EML4: variants seen among roughly 807,000 people sequenced by gnomAD.
EML4 encodes EMAP like 4, also known as echinoderm microtubule-associated protein-like 4.
EML4 carries 72 observed loss-of-function variants against 129.0 expected under a neutral mutation model. The observed-to-expected ratio is 0.56, with a 90% CI of 0.46 to 0.68. The LOEUF is 0.68. Ranked by LOEUF, EML4 falls within the 30% of genes least tolerant of loss-of-function variation. The probability of loss-of-function intolerance (pLI) is 0.00; values close to 1 mark genes in which losing one functional copy is unlikely to be tolerated. For missense variants in EML4, 1,363 were observed against 1,190.6 expected, an observed-to-expected ratio of 1.14 and a Z score of -2.13; for synonymous variants, 532 against 405.0, an observed-to-expected ratio of 1.31 and a Z score of -3.77.
intron 19 of EML4, among the ~76,000 whole-genome samples, chr2:42,322,759 A>C (rs1316724557): frequency 6.6e-6 from 1 of 152,104 alleles, no homozygotes; most frequent in Non-Finnish European, 1.5e-5. Flanking sequence ...CTGTGCATAC[A>C]CTTTGCATTA....
intron 1 of EML4, among the ~76,000 whole-genome samples, chr2:42,205,926 T>C (rs1356392132): frequency 6.6e-6 from 1 of 152,182 alleles, no homozygotes; most frequent in African/African-American, 2.4e-5. Flanking sequence ...CTCCTCTACC[T>C]AGCCTGTTTC....
chr2:42,178,089 G>T (rs1216566688), intron 1 of EML4, among the ~76,000 whole-genome samples: 1 of 152,144 alleles, frequency 6.6e-6, no homozygotes, highest in African/African-American at 2.4e-5. Context: ...TTTAGAATCT[G>T]AATATAATTA....
intron 16 of EML4, among the ~76,000 whole-genome samples, chr2:42,303,967 T>C (rs1024824718): frequency 6.6e-6 from 1 of 152,186 alleles, no homozygotes; most frequent in Non-Finnish European, 1.5e-5. Context: ...GCGTAAAAGC[T>C]CAATTTGTCC....
At chr2:42,175,273 C>T (rs564848678) in intron 1 of EML4, among the ~76,000 whole-genome samples, 1 of 152,066 alleles carries the variant, frequency 6.6e-6, no homozygotes, top group South Asian at 2.1e-4. Context: ...ACCACCACAC[C>T]TGGCTAATTT....
intron 1 of EML4, among the ~76,000 whole-genome samples, chr2:42,240,083 T>C (rs1674924582): frequency 6.6e-6 from 1 of 152,188 alleles, no homozygotes; most frequent in South Asian, 2.1e-4. Context: ...AGAGGGGTTG[T>C]TGGACTTCAA....
rs1669225566 is a variant in EML4, at chr2:42,315,967, T to C, written c.1973T>C (p.Phe658Ser). Residue 658 changes from phenylalanine to serine, a missense_variant, in exon 18 of 23, where the codon TTT becomes TCT. Transcript: ENST00000318522. ...VAIGTHSGRW[F>S]VLDAETRDLV... The stretch of plus-strand genomic sequence containing the variant: ...TGATTTTTACTTCTTAACAGGTGGT[T>C]TGTTCTGGATGCAGAAACCAGAGAT... The C allele has an allele frequency of 1.2e-6, 2 of 1,611,412 alleles. No homozygotes were observed. Among genetic ancestry groups the C allele is most frequent in the Non-Finnish European group, 1.7e-6 (2 of 1,178,312 alleles).
In EML4 at chr2:42,317,515, A is replaced by C. The variant is rs1450695999; in HGVS notation, c.2145A>C (p.Gly715=). 2 of 1,604,828 alleles carry C rather than the reference A, an allele frequency of 1.2e-6. No homozygotes were observed. Among genetic ancestry groups the C allele is most frequent in the Non-Finnish European group, 1.7e-6 (2 of 1,174,094 alleles). The change falls in exon 19 of 23, where the codon GGA becomes GGC. Residue 715 remains glycine (G), a synonymous_variant. Coordinates refer to ENST00000318522, the MANE Select transcript of EML4 (RefSeq NM_019063.5). The part of the protein sequence containing the change: ...SENGRKYSRY[G]RCTGHSSYIT... ...ATGGAAGAAAATATAGCAGATATGG[A>C]AGGTGCACTGTAAGTAGTGAAGTAG...
At chr2:42,266,933 A>C (rs920069655) in intron 6 of EML4, among the ~76,000 whole-genome samples, 1 of 152,220 alleles carries the variant, frequency 6.6e-6, no homozygotes, top group African/African-American at 2.4e-5. Flanking sequence ...TGTGTGGAAA[A>C]GGAGTTTGGC....
In EML4 at chr2:42,330,047, A is replaced by G. The variant is rs1415286062; in HGVS notation, c.2786A>G (p.Gln929Arg). The change falls in exon 23 of 23, where the codon CAA becomes CGA. Residue 929 changes from glutamine (Q) to arginine (R), a missense_variant. Gln to Arg is a conservative substitution (Grantham distance 43, BLOSUM62 1). Transcript: ENST00000318522. The part of the protein sequence containing the change: ...SPTLLENSLE[Q>R]TVEPSEDHSE... ...ACACTTCTGGAGAACAGCCTGGAAC[A>G]AACTGTGGAGCCAAGTGAAGACCAC... 1 of 1,613,586 alleles carries G rather than the reference A, an allele frequency of 6.2e-7. No individual in the cohort carries two copies. The highest frequency in any genetic ancestry group is 8.5e-7 in the Non-Finnish European group (1 of 1,179,958).
chr2:42,215,166 C>T (rs1673109392), intron 1 of EML4, among the ~76,000 whole-genome samples: 1 of 152,098 alleles, frequency 6.6e-6, no homozygotes, highest in Admixed American at 6.5e-5. Flanking sequence ...CTCAAGTGAT[C>T]CTCACACTGC....
intron 19 of EML4, among the ~76,000 whole-genome samples, chr2:42,323,577 G>A (rs376264210): frequency 1.2e-4 from 18 of 152,152 alleles, no homozygotes; most frequent in African/African-American, 4.3e-4. Flanking sequence ...AAAAGAATTA[G>A]AGTCATTGTT....
chr2:42,212,658 C>T (rs1430421520), intron 1 of EML4, among the ~76,000 whole-genome samples: 1 of 152,204 alleles, frequency 6.6e-6, no homozygotes. Flanking sequence ...CCCACAGATA[C>T]ACTTACTGTA....
At chr2:42,213,548 AATCTTTCC>A (rs1673004837) in intron 1 of EML4, among the ~76,000 whole-genome samples, 1 of 152,232 alleles carries the variant, frequency 6.6e-6, no homozygotes, top group Non-Finnish European at 1.5e-5. Context: ...TTAATGATTG[AATCTTTCC>A]ATTGCATACT....
intron 3 of EML4, among the ~76,000 whole-genome samples, chr2:42,258,053 C>T (rs1665454245): frequency 6.6e-6 from 1 of 152,150 alleles, no homozygotes; most frequent in Non-Finnish European, 1.5e-5. Flanking sequence ...CATTTTCTTA[C>T]ATAGCTATTG....
intron 17 of EML4, among the ~76,000 whole-genome samples, chr2:42,309,911 C>A (rs901933306): frequency 6.6e-6 from 1 of 152,144 alleles, no homozygotes; most frequent in African/African-American, 2.4e-5. Flanking sequence ...TCTCTTGTTT[C>A]TTAAGCATAA....
At chr2:42,200,608 C>T (rs1173411783) in intron 1 of EML4, among the ~76,000 whole-genome samples, 7 of 152,210 alleles carry the variant, frequency 4.6e-5, no homozygotes. Flanking sequence ...AAGATGGTTT[C>T]AGAAATTCTG....
intron 6 of EML4, among the ~76,000 whole-genome samples, chr2:42,267,882 T>A (rs183966857): frequency 6.6e-6 from 1 of 152,192 alleles, no homozygotes; most frequent in East Asian, 1.9e-4. Context: ...AACTTAAAAT[T>A]TGAATAAGTT....
intron 1 of EML4, among the ~76,000 whole-genome samples, chr2:42,231,105 G>C (rs914677984): frequency 2.0e-5 from 3 of 152,168 alleles, no homozygotes; most frequent in African/African-American, 7.2e-5. Flanking sequence ...CCTCACTTCA[G>C]TGCATTGCAG....
At chr2:42,193,356 C>T (rs1369945238) in intron 1 of EML4, among the ~76,000 whole-genome samples, 3 of 152,168 alleles carry the variant, frequency 2.0e-5, no homozygotes, top group African/African-American at 7.2e-5. Context: ...GCAAAACGTG[C>T]ATGCAGTTTA....
Sources: allele counts gnomAD v4.1 joint callset (sites outside exome capture counted in the v4.1 genomes callset), GRCh38; gene constraint gnomAD v4.1.1; transcripts MANE v1.5; gene names NCBI Gene and HGNC (gene_info 2026-07-23, HGNC 2026-07-21).